XPR1: variants seen among roughly 807,000 people sequenced by gnomAD.
The protein encoded by XPR1 is xenotropic and polytropic retrovirus receptor 1.
XPR1 carries 28 observed loss-of-function variants against 87.5 expected under a neutral mutation model. The observed-to-expected ratio is 0.32, with a 90% confidence interval of 0.24 to 0.44. The LOEUF (loss-of-function observed/expected upper bound fraction) is 0.44. XPR1 is among the 20% of genes least tolerant of loss of function. The pLI is 1.00. For missense variants in XPR1, 559 were observed against 862.3 expected, an observed-to-expected ratio of 0.65 and a Z score of 4.41; for synonymous variants, 300 against 306.1, an observed-to-expected ratio of 0.98 and a Z score of 0.21.
chr1:180,858,749 T>G (rs185792743), intron 11 of XPR1, among the ~76,000 whole-genome samples: 1 of 152,322 alleles, frequency 6.6e-6, no homozygotes, highest in Admixed American at 6.5e-5. Context: ...TCAGTTTCCT[T>G]AACTATAAAA....
At chr1:180,850,980 G>A (rs1651848125) in intron 11 of XPR1, among the ~76,000 whole-genome samples, 1 of 146,400 alleles carries the variant, frequency 6.8e-6, no homozygotes, top group Non-Finnish European at 1.5e-5. Flanking sequence ...AAAAAAAAAG[G>A]ATTATAGTAT....
intron 3 of XPR1, among the ~76,000 whole-genome samples, chr1:180,793,546 T>C (rs554593051): frequency 2.6e-5 from 4 of 152,186 alleles, no homozygotes; most frequent in African/African-American, 9.6e-5. Flanking sequence ...TGGTCATAGG[T>C]TGGTATATTG....
At chr1:180,807,888 C>A (rs1429068824) in intron 6 of XPR1, among the ~76,000 whole-genome samples, 5 of 152,114 alleles carry the variant, frequency 3.3e-5, no homozygotes, top group Non-Finnish European at 4.4e-5. Flanking sequence ...CCTGTAATCC[C>A]AGCTACTTGA....
intron 1 of XPR1, among the ~76,000 whole-genome samples, chr1:180,643,110 G>T (rs139355803): frequency 1.3e-5 from 2 of 152,224 alleles, no homozygotes; most frequent in African/African-American, 4.8e-5. Flanking sequence ...CTGGTATGAA[G>T]CATTAAGGAT....
intron 3 of XPR1, among the ~76,000 whole-genome samples, chr1:180,793,208 G>T (rs964356438): frequency 6.6e-6 from 1 of 152,070 alleles, no homozygotes; most frequent in South Asian, 2.1e-4. Flanking sequence ...ATGCAAGACC[G>T]ATTAGATAAT....
intron 2 of XPR1, among the ~76,000 whole-genome samples, chr1:180,772,618 A>G (rs1342324095): frequency 6.6e-6 from 1 of 152,146 alleles, no homozygotes; most frequent in Non-Finnish European, 1.5e-5. Context: ...GAGATGATTG[A>G]ATCTTGAGGG....
At chr1:180,647,237 A>G (rs1236904659) in intron 1 of XPR1, among the ~76,000 whole-genome samples, 2 of 152,234 alleles carry the variant, frequency 1.3e-5, no homozygotes, top group African/African-American at 4.8e-5. Flanking sequence ...GTAAATATGG[A>G]TGAAACTTCG....
intron 2 of XPR1, among the ~76,000 whole-genome samples, chr1:180,747,045 TG>T (rs1157130550): frequency 2.0e-5 from 3 of 152,218 alleles, no homozygotes; most frequent in Non-Finnish European, 4.4e-5. Flanking sequence ...AGTGGTCTTT[TG>T]TTCATAATCA....
At chr1:180,758,517 G>A (rs1277969140) in intron 2 of XPR1, among the ~76,000 whole-genome samples, 1 of 152,116 alleles carries the variant, frequency 6.6e-6, no homozygotes, top group Non-Finnish European at 1.5e-5. Flanking sequence ...AGACCAACCT[G>A]GTCAACATGG....
At chr1:180,754,536 C>G (rs1310071169) in intron 2 of XPR1, among the ~76,000 whole-genome samples, 1 of 152,138 alleles carries the variant, frequency 6.6e-6, no homozygotes, top group Non-Finnish European at 1.5e-5. Flanking sequence ...TCTCATCTCA[C>G]TGCATCCTCA....
At chr1:180,808,770 T>C (rs773301055) in intron 6 of XPR1, among the ~76,000 whole-genome samples, 4 of 152,172 alleles carry the variant, frequency 2.6e-5, no homozygotes, top group Non-Finnish European at 5.9e-5. Context: ...TTAGAATGAT[T>C]AAAAAAGACT....
intron 2 of XPR1, among the ~76,000 whole-genome samples, chr1:180,762,323 AC>A (rs1648073333): frequency 6.6e-6 from 1 of 152,136 alleles, no homozygotes; most frequent in East Asian, 1.9e-4. Flanking sequence ...TGTATATTTT[AC>A]CTCAATAAAA....
chr1:180,867,048 T>G (rs1652420990), intron 12 of XPR1, among the ~76,000 whole-genome samples: 1 of 98,584 alleles, frequency 1.0e-5, no homozygotes. Context: ...CACCTATGAG[T>G]GAGAATATGC....
intron 11 of XPR1, among the ~76,000 whole-genome samples, chr1:180,852,818 C>T (rs1474899050): frequency 2.0e-5 from 3 of 152,182 alleles, no homozygotes; most frequent in Admixed American, 6.5e-5. Context: ...TGAGCCACCA[C>T]GTCCAGCCTT....
At chr1:180,803,886 C>A (rs1001891942) in intron 4 of XPR1, among the ~76,000 whole-genome samples, 9 of 152,116 alleles carry the variant, frequency 5.9e-5, no homozygotes, top group African/African-American at 2.2e-4. Context: ...TAACAGTTTG[C>A]TTCCTGTTTT....
chr1:180,715,953 G>A (rs1431154018), intron 2 of XPR1, among the ~76,000 whole-genome samples: 1 of 152,142 alleles, frequency 6.6e-6, no homozygotes, highest in Non-Finnish European at 1.5e-5. Flanking sequence ...GATTACAGGT[G>A]TAAGTCACCG....
At chr1:180,837,956 G>A (rs1410771116) in intron 11 of XPR1, among the ~76,000 whole-genome samples, 1 of 151,928 alleles carries the variant, frequency 6.6e-6, no homozygotes, top group Non-Finnish European at 1.5e-5. Context: ...TTTTTTGGTC[G>A]AATATTTTAG....
intron 3 of XPR1, among the ~76,000 whole-genome samples, chr1:180,793,241 T>G (rs1649451563): frequency 6.6e-6 from 1 of 152,132 alleles, no homozygotes; most frequent in African/African-American, 2.4e-5. Flanking sequence ...CTATTCTTAT[T>G]ATATAGTTAT....
chr1:180,671,741 C>G (rs1399946959), intron 1 of XPR1, among the ~76,000 whole-genome samples: 3 of 152,144 alleles, frequency 2.0e-5, no homozygotes, highest in African/African-American at 7.2e-5. Flanking sequence ...TCTTGAACTC[C>G]TGACCTTGTG....
Sources: gnomAD v4.1 joint callset for allele counts (sites outside exome capture counted in the v4.1 genomes callset) on GRCh38, gnomAD v4.1.1 for gene constraint, MANE v1.5 for transcripts, NCBI Gene and HGNC (gene_info 2026-07-23, HGNC 2026-07-21) for gene names.